The following ATRNL1 variants were observed in gnomAD, a reference collection of about 807,000 sequenced individuals.
ATRNL1 encodes the protein attractin-like protein 1.
ATRNL1 carries 95 observed loss-of-function variants against 182.7 expected under a neutral mutation model. The observed-to-expected ratio is 0.52, with a 90% CI of 0.44 to 0.62. ATRNL1 has a LOEUF of 0.62. ATRNL1 is among the 20% of genes least tolerant of loss of function. The pLI is 0.00. For missense variants in ATRNL1, 1,471 were observed against 1,679.5 expected (o/e 0.88, Z 2.17); for synonymous variants, 576 against 568.3 (o/e 1.01, Z -0.19).
intron 20 of ATRNL1, among the ~76,000 whole-genome samples, chr10:115,417,681 G>C (rs1221629661): frequency 6.6e-6 from 1 of 152,168 alleles, no homozygotes; most frequent in Non-Finnish European, 1.5e-5. Context: ...CCTCCTGGGA[G>C]GCATGATTGT....
At chr10:115,557,616 G>C (rs1853388532) in intron 26 of ATRNL1, among the ~76,000 whole-genome samples, 1 of 152,140 alleles carries the variant, frequency 6.6e-6, no homozygotes, top group Non-Finnish European at 1.5e-5. Flanking sequence ...CAATTTTAGT[G>C]GACTGATGGA....
At chr10:115,701,311 T>C (rs563285727) in intron 26 of ATRNL1, among the ~76,000 whole-genome samples, 1 of 152,118 alleles carries the variant, frequency 6.6e-6, no homozygotes, top group African/African-American at 2.4e-5. Context: ...AAAAGCAGTA[T>C]TCAGAGGAAG....
At chr10:115,305,156 G>T (rs1853664465) in intron 17 of ATRNL1, among the ~76,000 whole-genome samples, 1 of 151,564 alleles carries the variant, frequency 6.6e-6, no homozygotes, top group African/African-American at 2.4e-5. Flanking sequence ...CCCATTTAGA[G>T]GTAGCCACTG....
At chr10:115,339,320 A>G (rs1312807738) in intron 19 of ATRNL1, among the ~76,000 whole-genome samples, 1 of 152,124 alleles carries the variant, frequency 6.6e-6, no homozygotes, top group Non-Finnish European at 1.5e-5. Context: ...GGACATTTTA[A>G]CAATATTGAT....
chr10:115,799,881 C>G (rs1949750732), intron 27 of ATRNL1, among the ~76,000 whole-genome samples: 1 of 152,122 alleles, frequency 6.6e-6, no homozygotes, highest in African/African-American at 2.4e-5. Flanking sequence ...CTCTAATGCT[C>G]ACAGTAACCT....
chr10:115,396,887 A>T (rs1191348156), intron 20 of ATRNL1, among the ~76,000 whole-genome samples: 3 of 151,934 alleles, frequency 2.0e-5, no homozygotes, highest in African/African-American at 7.2e-5. Context: ...ATATGTGCAA[A>T]ATATTAGAAA....
intron 27 of ATRNL1, among the ~76,000 whole-genome samples, chr10:115,771,536 C>G (rs149597318): frequency 6.6e-6 from 1 of 152,292 alleles, no homozygotes; most frequent in Non-Finnish European, 1.5e-5. Flanking sequence ...GGCCAGAATT[C>G]TTACTTCTTA....
At position 115,945,326 on chromosome 10, in the gene ATRNL1, ACT is replaced by A. The variant is rs1953852585; in HGVS notation, c.*549_*550del. On this transcript the variant is annotated 3_prime_UTR_variant, in exon 29 of 29. Coordinates refer to ENST00000355044, the MANE Select transcript of ATRNL1 (RefSeq NM_207303.4). ...TTTCATATGACCATATCGTGTCCAA[ACT>A]CAGTCTGAGAATGTGACAGCTTTCC... The A allele has an allele frequency of 6.6e-6, 1 of 152,158 alleles. No individual in the cohort carries two copies. 9.4% of individuals were successfully genotyped at this position (152,158 alleles called of 1,614,324 possible).
At chr10:115,514,402 T>C (rs1229953765) in intron 24 of ATRNL1, among the ~76,000 whole-genome samples, 1 of 152,004 alleles carries the variant, frequency 6.6e-6, no homozygotes, top group African/African-American at 2.4e-5. Flanking sequence ...GGTTCTTTAC[T>C]TCCTGACTTT....
intron 8 of ATRNL1, among the ~76,000 whole-genome samples, chr10:115,210,185 A>G (rs1848965576): frequency 6.6e-6 from 1 of 152,030 alleles, no homozygotes; most frequent in Non-Finnish European, 1.5e-5. Context: ...AGTTACAGGT[A>G]TATAATTGTA....
At chr10:115,889,529 A>G (rs1204860523) in intron 28 of ATRNL1, among the ~76,000 whole-genome samples, 1 of 152,140 alleles carries the variant, frequency 6.6e-6, no homozygotes, top group Non-Finnish European at 1.5e-5. Flanking sequence ...TTGGCTTCCT[A>G]TATGTGATAT....
intron 20 of ATRNL1, among the ~76,000 whole-genome samples, chr10:115,414,398 C>G (rs1309285356): frequency 6.6e-6 from 1 of 151,584 alleles, no homozygotes; most frequent in Non-Finnish European, 1.5e-5. Flanking sequence ...CCTCCTATTT[C>G]CCTCCTTTTT....
At chr10:115,503,301 C>T (rs782458859) in intron 24 of ATRNL1, among the ~76,000 whole-genome samples, 1 of 152,000 alleles carries the variant, frequency 6.6e-6, no homozygotes, top group Non-Finnish European at 1.5e-5. Flanking sequence ...AAAGAAAAGG[C>T]CTTTTGCACT....
chr10:115,270,750 C>T (rs964823005), intron 13 of ATRNL1, among the ~76,000 whole-genome samples: 9 of 151,924 alleles, frequency 5.9e-5, no homozygotes, highest in African/African-American at 1.9e-4. Context: ...CTTGGTTTAC[C>T]AATTCAGTCT....
At chr10:115,467,897 TTTCTG>T (rs1848127242) in intron 23 of ATRNL1, among the ~76,000 whole-genome samples, 1 of 150,750 alleles carries the variant, frequency 6.6e-6, no homozygotes, top group Non-Finnish European at 1.5e-5. Context: ...TGGTATCTAT[TTTCTG>T]TATCAAAGGT....
At chr10:115,113,684 C>T (rs1486563250) in intron 1 of ATRNL1, among the ~76,000 whole-genome samples, 1 of 152,184 alleles carries the variant, frequency 6.6e-6, no homozygotes, top group Non-Finnish European at 1.5e-5. Flanking sequence ...TGCATGCTCC[C>T]CAGCCACGTG....
intron 28 of ATRNL1, among the ~76,000 whole-genome samples, chr10:115,865,487 T>C (rs1951419565): frequency 6.6e-6 from 1 of 152,178 alleles, no homozygotes; most frequent in African/African-American, 2.4e-5. Context: ...CATTATATGG[T>C]TCCTGGGCCA....
At chr10:115,771,570 C>T (rs1315078091) in intron 27 of ATRNL1, among the ~76,000 whole-genome samples, 2 of 152,162 alleles carry the variant, frequency 1.3e-5, no homozygotes, top group South Asian at 4.1e-4. Flanking sequence ...CTTGTTAGGT[C>T]AAAATCTCTC....
At chr10:115,230,303 G>A (rs936929887) in intron 9 of ATRNL1, among the ~76,000 whole-genome samples, 1 of 152,140 alleles carries the variant, frequency 6.6e-6, no homozygotes, top group African/African-American at 2.4e-5. Flanking sequence ...GTTTCAGATT[G>A]TTGCATTTAA....
Sources: gnomAD v4.1 joint callset for allele counts (sites outside exome capture counted in the v4.1 genomes callset) on GRCh38, gnomAD v4.1.1 for gene constraint, MANE v1.5 for transcripts, NCBI Gene and HGNC (gene_info 2026-07-23, HGNC 2026-07-21) for gene names.